The following JMJD1C variants were observed in gnomAD, a reference collection of about 807,000 sequenced individuals.
The protein encoded by JMJD1C is jumonji domain containing 1C.
In JMJD1C, 31 loss-of-function variants were observed where a neutral mutation model predicts 245.3. That is an observed-to-expected ratio of 0.13 (90% CI 0.09 to 0.17). The LOEUF is 0.17. Among genes scored for constraint, JMJD1C ranks in the 10% least tolerant of loss-of-function variants. The pLI is 1.00. For synonymous variants in JMJD1C, 1,057 were observed against 1,017.4 expected (o/e 1.04, Z -0.74); for missense variants, 2,691 against 3,000.2 (o/e 0.90, Z 2.41).
chr10:63,193,708 C>T (rs745505110), intron 14 of JMJD1C: 10 of 285,834 alleles, frequency 3.5e-5, no homozygotes, highest in Non-Finnish European at 5.8e-5. Context: ...GCTCTGTCAC[C>T]CAGGCTGGAG....
intron 1 of JMJD1C, among the ~76,000 whole-genome samples, chr10:63,458,547 A>G (rs1952566048): frequency 6.6e-6 from 1 of 152,082 alleles, no homozygotes; most frequent in South Asian, 2.1e-4. Context: ...AGGCAGACAT[A>G]TGATCACTAT....
chr10:63,354,950 G>A (rs1944707262), intron 2 of JMJD1C, among the ~76,000 whole-genome samples: 1 of 151,950 alleles, frequency 6.6e-6, no homozygotes, highest in Admixed American at 6.6e-5. Flanking sequence ...TGAAGCCTAG[G>A]GAGTGGAAGT....
intron 3 of JMJD1C, among the ~76,000 whole-genome samples, chr10:63,255,773 A>T (rs559094440): frequency 6.7e-4 from 102 of 152,302 alleles, no homozygotes; most frequent in Middle Eastern, 6.8e-3. Flanking sequence ...TAAAGCTAAC[A>T]TTGGAAATAA....
chr10:63,251,156 G>C (rs565395568), intron 3 of JMJD1C, among the ~76,000 whole-genome samples: 3 of 152,190 alleles, frequency 2.0e-5, no homozygotes, highest in Non-Finnish European at 4.4e-5. Context: ...CTCATATATC[G>C]TGTTGTTGAT....
At chr10:63,331,215 T>C (rs1942105138) in intron 2 of JMJD1C, among the ~76,000 whole-genome samples, 2 of 152,218 alleles carry the variant, frequency 1.3e-5, no homozygotes, top group African/African-American at 4.8e-5. Context: ...ACACTTTTTG[T>C]GCATGTAATC....
intron 2 of JMJD1C, among the ~76,000 whole-genome samples, chr10:63,298,933 G>A (rs1859760421): frequency 6.6e-6 from 1 of 152,032 alleles, no homozygotes; most frequent in East Asian, 1.9e-4. Flanking sequence ...GTTTCTCCAT[G>A]TTGGTCAGGC....
At chr10:63,397,431 T>C (rs1245907437) in intron 1 of JMJD1C, among the ~76,000 whole-genome samples, 1 of 152,200 alleles carries the variant, frequency 6.6e-6, no homozygotes, top group Non-Finnish European at 1.5e-5. Flanking sequence ...CAGGCTGGTC[T>C]TGAACTCCTG....
rs148049745 is a variant in JMJD1C, at chr10:63,346,069, G to T, written c.333+34249C>A. Among the ~76,000 whole-genome samples the T allele has an allele frequency of 3.2e-3, 491 of 152,200 alleles. 2 individuals are homozygous for T. Among genetic ancestry groups the T allele is most frequent in the African/African-American group, 0.011 (475 of 41,518 alleles). ...TTAAATCTTATAATCAGTAAATGGG[G>T]TCTCACTATCTTGCCCAGGCTGGAA... On this transcript the variant is annotated intron_variant, in intron 2 of 25. Transcript: ENST00000399262.
chr10:63,228,481 A>C (rs1183735631), intron 3 of JMJD1C, among the ~76,000 whole-genome samples: 2 of 152,142 alleles, frequency 1.3e-5, no homozygotes, highest in African/African-American at 4.8e-5. Flanking sequence ...CACTGTAGTC[A>C]CTGTACTCCA....
At chr10:63,200,722 A>G (rs768362706) in intron 10 of JMJD1C, 45 bp from the exon 11 acceptor site, 33 of 1,509,116 alleles carry the variant, frequency 2.2e-5, no homozygotes, top group Middle Eastern at 1.7e-4. Flanking sequence ...TGCTTTGTAA[A>G]AAGTTAAACT....
intron 1 of JMJD1C, among the ~76,000 whole-genome samples, chr10:63,462,861 C>T (rs548624905): frequency 6.6e-6 from 1 of 152,170 alleles, no homozygotes; most frequent in Non-Finnish European, 1.5e-5. Context: ...AACATTTAAA[C>T]CACCAAGATT....
At chr10:63,219,834 G>A in intron 4 of JMJD1C, 44 bp downstream of exon 4, 1 of 1,334,116 alleles carries the variant, frequency 7.5e-7, no homozygotes, top group Non-Finnish European at 1.1e-6. Flanking sequence ...ATGATAAGTT[G>A]CCTAGATCCA....
intron 2 of JMJD1C, among the ~76,000 whole-genome samples, chr10:63,377,134 C>T (rs1427403472): frequency 6.6e-6 from 1 of 151,188 alleles, no homozygotes; most frequent in Non-Finnish European, 1.5e-5. Context: ...CATGCATGAA[C>T]CCTGAAGACA....
rs981695480 is a variant in JMJD1C, at chr10:63,217,217, A to G, written c.668T>C (p.Met223Thr). Residue 223 changes from methionine to threonine, a missense_variant, in exon 5 of 26, where the codon ATG (methionine) becomes ACG (threonine). This residue lies in a region of JMJD1C where 172 missense variants were observed against 240.8 expected (regional missense o/e 0.71). Transcript: ENST00000399262. ...AGTGGAACTATTTACCTGATCATTC[A>G]TAACGATCATGGTGCGGGTGAAGAG... ...HDLFTRTMIVMNDQVLEPQNV... is the reference protein window; with the variant it reads ...HDLFTRTMIVTNDQVLEPQNV... The G allele has an allele frequency of 1.3e-5, 21 of 1,608,744 alleles. No homozygotes were observed. The highest frequency in any genetic ancestry group is 6.8e-5 in the Admixed American group (4 of 58,820).
intron 1 of JMJD1C, among the ~76,000 whole-genome samples, chr10:63,474,866 AAAG>A (rs1401271212): frequency 1.3e-5 from 2 of 152,142 alleles, no homozygotes; most frequent in Admixed American, 6.5e-5. Flanking sequence ...TAAAAAAAAA[AAAG>A]AATGAGTAAT....
intron 2 of JMJD1C, among the ~76,000 whole-genome samples, chr10:63,329,960 G>C (rs989117767): frequency 2.0e-5 from 3 of 152,254 alleles, no homozygotes; most frequent in Non-Finnish European, 4.4e-5. Context: ...GGATGCAGTG[G>C]TACAATCTAG....
chr10:63,205,388 G>A (rs1846481367), intron 10 of JMJD1C, among the ~76,000 whole-genome samples: 1 of 152,064 alleles, frequency 6.6e-6, no homozygotes, highest in African/African-American at 2.4e-5. Context: ...CCATAACCGT[G>A]GGTTCCAAAC....
At chr10:63,446,194 T>C (rs1951711422) in intron 1 of JMJD1C, among the ~76,000 whole-genome samples, 1 of 152,086 alleles carries the variant, frequency 6.6e-6, no homozygotes, top group South Asian at 2.1e-4. Flanking sequence ...GAATATGTTT[T>C]ATAGATAGAA....
intron 2 of JMJD1C, among the ~76,000 whole-genome samples, chr10:63,275,413 G>T (rs1856686838): frequency 6.6e-6 from 1 of 152,180 alleles, no homozygotes; most frequent in African/African-American, 2.4e-5. Context: ...ATAAGTTTAT[G>T]TATTTTTAAT....
Sources: gnomAD v4.1 joint callset for allele counts (sites outside exome capture counted in the v4.1 genomes callset) on GRCh38, gnomAD v4.1.1 for gene constraint, gnomAD v4.1.1 regional missense constraint, MANE v1.5 for transcripts, NCBI Gene and HGNC (gene_info 2026-07-23, HGNC 2026-07-21) for gene names.